The following SPAG16 variants were observed in gnomAD, a reference collection of about 807,000 sequenced individuals.
SPAG16 encodes the protein sperm associated antigen 16.
SPAG16 carries 86 observed loss-of-function variants against 80.4 expected under a neutral mutation model. The ratio of observed to expected loss-of-function variants is 1.07; its 90% CI spans 0.90 to 1.28. The LOEUF is 1.28. SPAG16 is among the 50% of genes most tolerant of loss of function. SPAG16 has a pLI of 0.00. For missense variants in SPAG16, 870 were observed against 765.3 expected (o/e 1.14, Z -1.61); for synonymous variants, 294 against 265.9 (o/e 1.11, Z -1.03).
At chr2:214,115,321 A>C (rs2053878633) in intron 14 of SPAG16, among the ~76,000 whole-genome samples, 1 of 152,204 alleles carries the variant, frequency 6.6e-6, no homozygotes, top group African/African-American at 2.4e-5. Flanking sequence ...GTATTTAAAA[A>C]ATCCATATGT....
intron 10 of SPAG16, among the ~76,000 whole-genome samples, chr2:213,672,930 C>T (rs942143346): frequency 4.1e-5 from 6 of 146,504 alleles, no homozygotes; most frequent in African/African-American, 1.5e-4. Context: ...ACGATCTTGG[C>T]TCACTGCAAG....
intron 12 of SPAG16, among the ~76,000 whole-genome samples, chr2:213,946,476 T>C (rs1404954890): frequency 6.6e-6 from 1 of 152,212 alleles, no homozygotes; most frequent in African/African-American, 2.4e-5. Context: ...TTCTCTGCTC[T>C]GTATATTTTA....
chr2:213,899,578 G>T (rs1368874254), intron 11 of SPAG16, among the ~76,000 whole-genome samples: 1 of 152,046 alleles, frequency 6.6e-6, no homozygotes. Flanking sequence ...CATGAATTCA[G>T]TTTCACCATG....
At chr2:213,876,337 GA>G (rs2076142687) in intron 11 of SPAG16, among the ~76,000 whole-genome samples, 1 of 143,728 alleles carries the variant, frequency 7.0e-6, no homozygotes, top group Non-Finnish European at 1.5e-5. Context: ...GAAAAGAAAA[GA>G]AAAAGAATCT....
chr2:213,751,162 T>C (rs1292193644), intron 10 of SPAG16, among the ~76,000 whole-genome samples: 1 of 152,194 alleles, frequency 6.6e-6, no homozygotes, highest in Non-Finnish European at 1.5e-5. Context: ...AAAGAAAATG[T>C]ACTTATATGG....
chr2:213,410,254 G>C (rs905542622), intron 9 of SPAG16, among the ~76,000 whole-genome samples: 69 of 152,254 alleles, frequency 4.5e-4, no homozygotes, highest in African/African-American at 1.4e-3. Context: ...TGACCATCTA[G>C]TTATTAACAT....
chr2:214,208,333 T>G (rs1576497717), intron 15 of SPAG16, among the ~76,000 whole-genome samples: 1 of 152,082 alleles, frequency 6.6e-6, no homozygotes. Context: ...ATGGATTTCT[T>G]TAGTTGGTTT....
chr2:213,372,403 A>C (rs1437095215), intron 8 of SPAG16, among the ~76,000 whole-genome samples: 1 of 152,138 alleles, frequency 6.6e-6, no homozygotes. Flanking sequence ...AATAAATGTC[A>C]TATATAGTAA....
At chr2:213,288,645 C>T (rs1269222115) in intron 1 of SPAG16, among the ~76,000 whole-genome samples, 1 of 145,454 alleles carries the variant, frequency 6.9e-6, no homozygotes, top group African/African-American at 2.5e-5. Context: ...TGGTTTTTAA[C>T]TTTTTTTTTT....
chr2:213,622,771 A>G (rs2061832487), intron 10 of SPAG16, among the ~76,000 whole-genome samples: 1 of 152,208 alleles, frequency 6.6e-6, no homozygotes, highest in Non-Finnish European at 1.5e-5. Context: ...TTTATAGAAG[A>G]ATAACTTTTT....
At chr2:214,037,596 A>C (rs1453935557) in intron 13 of SPAG16, among the ~76,000 whole-genome samples, 1 of 152,022 alleles carries the variant, frequency 6.6e-6, no homozygotes, top group Non-Finnish European at 1.5e-5. Context: ...GATTGATCTT[A>C]TATCAATTCT....
At chr2:213,334,427 A>G (rs1039837209) in intron 5 of SPAG16, among the ~76,000 whole-genome samples, 2 of 152,218 alleles carry the variant, frequency 1.3e-5, no homozygotes, top group African/African-American at 2.4e-5. Flanking sequence ...TAGATCTACC[A>G]TATGATCCAG....
chr2:213,379,939 T>A (rs1844230), intron 9 of SPAG16, among the ~76,000 whole-genome samples: 33,478 of 152,090 alleles, frequency 0.22, 4,532 homozygotes, highest in Non-Finnish European at 0.31. Context: ...GGGGCATCCT[T>A]TCCACTTGAT....
At chr2:213,638,647 T>C (rs918107559) in intron 10 of SPAG16, among the ~76,000 whole-genome samples, 1 of 152,158 alleles carries the variant, frequency 6.6e-6, no homozygotes, top group African/African-American at 2.4e-5. Flanking sequence ...TATTGAGACT[T>C]GTTTTGTGGC....
At chr2:213,958,065 C>T (rs905702143) in intron 12 of SPAG16, among the ~76,000 whole-genome samples, 10 of 152,092 alleles carry the variant, frequency 6.6e-5, no homozygotes, top group Non-Finnish European at 8.8e-5. Flanking sequence ...GCTGAGCCAA[C>T]CAGAAGAGGA....
chr2:213,987,936 G>C (rs1216939508), intron 12 of SPAG16, among the ~76,000 whole-genome samples: 8 of 150,348 alleles, frequency 5.3e-5, no homozygotes, highest in Non-Finnish European at 1.0e-4. Flanking sequence ...AATGTAATTA[G>C]AGTGCGTTAT....
chr2:213,292,924 CAT>C (rs1489152540), intron 1 of SPAG16, among the ~76,000 whole-genome samples: 2 of 152,078 alleles, frequency 1.3e-5, no homozygotes, highest in Non-Finnish European at 2.9e-5. Context: ...TGACTCTTAA[CAT>C]TCTTATAGTA....
At chr2:213,472,029 G>A (rs1356297008) in intron 9 of SPAG16, among the ~76,000 whole-genome samples, 1 of 152,160 alleles carries the variant, frequency 6.6e-6, no homozygotes, top group East Asian at 1.9e-4. Flanking sequence ...TAAGCCCTGT[G>A]TGTTTGCTAC....
chr2:214,141,196 C>T lies in SPAG16; in HGVS notation c.1594-7944C>T, dbSNP rs191628051. ...AAATTACTGAATTTTTGCCTGGGCA[C>T]GGTGGCTCATGCCCGTAATCCCAGC... On this transcript the variant is annotated intron_variant, in intron 14 of 15. Coordinates refer to ENST00000331683, the MANE Select transcript of SPAG16 (RefSeq NM_024532.5). Among the ~76,000 whole-genome samples the T allele has an allele frequency of 2.1e-4, 32 of 152,180 alleles. No individual in the cohort carries two copies. In the East Asian group the frequency reaches 4.4e-3, roughly 21 times the overall value.
Sources: gnomAD v4.1 joint callset for allele counts (sites outside exome capture counted in the v4.1 genomes callset) on GRCh38, gnomAD v4.1.1 for gene constraint, MANE v1.5 for transcripts, NCBI Gene and HGNC (gene_info 2026-07-23, HGNC 2026-07-21) for gene names.